The following KCNIP4 variants were observed in gnomAD, a reference collection of about 807,000 sequenced individuals.
KCNIP4 encodes the protein Kv channel-interacting protein 4.
KCNIP4 carries 12 observed loss-of-function variants against 34.0 expected under a neutral mutation model. The observed-to-expected ratio is 0.35, with a 90% confidence interval of 0.23 to 0.57. KCNIP4 has a LOEUF of 0.57. Ranked by LOEUF, KCNIP4 falls within the 20% of genes least tolerant of loss-of-function variation. KCNIP4 has a pLI of 0.83. For missense variants in KCNIP4, 238 were observed against 311.7 expected, an observed-to-expected ratio of 0.76 and a Z score of 1.78; for synonymous variants, 124 against 102.2, an observed-to-expected ratio of 1.21 and a Z score of -1.29.
At chr4:20,978,509 A>G (rs1026043115) in intron 1 of KCNIP4, among the ~76,000 whole-genome samples, 3 of 152,186 alleles carry the variant, frequency 2.0e-5, no homozygotes, top group African/African-American at 7.2e-5. Flanking sequence ...CCTACATTTT[A>G]TCGTTGTTCC....
chr4:20,774,751 C>A (rs2149383943), intron 3 of KCNIP4, among the ~76,000 whole-genome samples: 1 of 152,222 alleles, frequency 6.6e-6, no homozygotes, highest in South Asian at 2.1e-4. Context: ...GGGGAAGAGG[C>A]AAAGGAACCC....
At chr4:21,660,071 C>T (rs530759795) in intron 1 of KCNIP4, among the ~76,000 whole-genome samples, 1 of 152,240 alleles carries the variant, frequency 6.6e-6, no homozygotes, top group Admixed American at 6.5e-5. Flanking sequence ...TCCTATCTAT[C>T]AATACTTTAC....
At chr4:21,864,683 T>C (rs1336273997) in intron 1 of KCNIP4, among the ~76,000 whole-genome samples, 1 of 152,214 alleles carries the variant, frequency 6.6e-6, no homozygotes, top group Admixed American at 6.5e-5. Flanking sequence ...TATCCACATG[T>C]CTGGTATCGA....
At chr4:21,903,554 G>A (rs1200876026) in intron 1 of KCNIP4, among the ~76,000 whole-genome samples, 1 of 152,112 alleles carries the variant, frequency 6.6e-6, no homozygotes, top group Non-Finnish European at 1.5e-5. Context: ...GGCACTGATT[G>A]TTTCAAATAG....
Position 21,400,526 on chromosome 4 carries a change from T to C in KCNIP4, c.62-517817A>G, listed in dbSNP as rs749602643. On this transcript the variant is annotated intron_variant, in intron 1 of 8. Coordinates refer to ENST00000382152, the MANE Select transcript of KCNIP4 (RefSeq NM_025221.6). The stretch of plus-strand genomic sequence containing the variant: ...TCCCCTCCCTTCCTCTTCTCTTCTC[T>C]TCTCTTCTCTTCTCTTCTCTTCTCT... Among the ~76,000 whole-genome samples the C allele has an allele frequency of 4.3e-3, 177 of 40,946 alleles. 2 individuals carry two copies. Among genetic ancestry groups the C allele is most frequent in the African/African-American group, 0.012 (147 of 12,226 alleles). 26.9% of individuals were successfully genotyped at this position (40,946 alleles called of 152,430 possible).
intron 1 of KCNIP4, among the ~76,000 whole-genome samples, chr4:21,699,823 G>C (rs1424740865): frequency 6.6e-6 from 1 of 152,126 alleles, no homozygotes; most frequent in Admixed American, 6.6e-5. Context: ...GGGAATAGGG[G>C]ACTTGTGTGA....
chr4:20,841,089 G>T (rs1215241507), intron 3 of KCNIP4, among the ~76,000 whole-genome samples: 1 of 152,102 alleles, frequency 6.6e-6, no homozygotes, highest in Non-Finnish European at 1.5e-5. Context: ...TACTAAAGGA[G>T]CCATGCTCTT....
intron 3 of KCNIP4, among the ~76,000 whole-genome samples, chr4:20,816,128 CTGT>C (rs1716344942): frequency 6.6e-6 from 1 of 151,936 alleles, no homozygotes; most frequent in Non-Finnish European, 1.5e-5. Flanking sequence ...TGGTGCACAC[CTGT>C]AGTCCCAGCT....
intron 1 of KCNIP4, among the ~76,000 whole-genome samples, chr4:21,229,942 G>A (rs1052846395): frequency 6.6e-6 from 1 of 152,150 alleles, no homozygotes; most frequent in East Asian, 1.9e-4. Flanking sequence ...ATAAGCAACT[G>A]TATTGGGTTA....
At chr4:21,379,679 T>C (rs1174493423) in intron 1 of KCNIP4, among the ~76,000 whole-genome samples, 9 of 152,162 alleles carry the variant, frequency 5.9e-5, no homozygotes, top group Non-Finnish European at 1.0e-4. Context: ...TTGTAGACAA[T>C]AGATGGCAAA....
chr4:21,867,902 T>G (rs2109360993), intron 1 of KCNIP4, among the ~76,000 whole-genome samples: 1 of 152,302 alleles, frequency 6.6e-6, no homozygotes, highest in East Asian at 1.9e-4. Flanking sequence ...TAAAAAGATG[T>G]CCAAATGATC....
intron 1 of KCNIP4, among the ~76,000 whole-genome samples, chr4:20,912,792 C>A (rs2149572763): frequency 6.6e-6 from 1 of 152,186 alleles, no homozygotes; most frequent in South Asian, 2.1e-4. Flanking sequence ...TGCTCAAAAT[C>A]ATTAGTCATT....
At chr4:21,886,670 C>T (rs1726781177) in intron 1 of KCNIP4, among the ~76,000 whole-genome samples, 1 of 152,060 alleles carries the variant, frequency 6.6e-6, no homozygotes, top group South Asian at 2.1e-4. Flanking sequence ...TTGTGTCTTA[C>T]CAAGAGATGT....
chr4:20,755,376 T>TAC (rs1284433798), intron 4 of KCNIP4, among the ~76,000 whole-genome samples: 3 of 152,258 alleles, frequency 2.0e-5, no homozygotes, highest in Non-Finnish European at 4.4e-5. Flanking sequence ...TTAAGTGCTG[T>TAC]ACACTTTTCA....
chr4:21,391,018 A>T (rs1485776659), intron 1 of KCNIP4, among the ~76,000 whole-genome samples: 2 of 152,096 alleles, frequency 1.3e-5, no homozygotes, highest in Non-Finnish European at 2.9e-5. Context: ...AGTGTGTGTG[A>T]AGTGGTATGT....
intron 1 of KCNIP4, among the ~76,000 whole-genome samples, chr4:21,251,861 G>A (rs1358810979): frequency 6.8e-6 from 1 of 147,024 alleles, no homozygotes; most frequent in Non-Finnish European, 1.5e-5. Flanking sequence ...AGGGACTGTG[G>A]TGGGGTGTGG....
intron 1 of KCNIP4, among the ~76,000 whole-genome samples, chr4:21,439,743 T>G (rs907653620): frequency 8.9e-6 from 1 of 111,970 alleles, no homozygotes; most frequent in South Asian, 2.9e-4. Flanking sequence ...TGAAAGATGC[T>G]CACAATAGAT....
At chr4:21,587,447 A>T (rs1741715737) in intron 1 of KCNIP4, among the ~76,000 whole-genome samples, 1 of 152,008 alleles carries the variant, frequency 6.6e-6, no homozygotes, top group Non-Finnish European at 1.5e-5. Context: ...TCAGGTGTCA[A>T]TTTTCAAAAT....
intron 1 of KCNIP4, among the ~76,000 whole-genome samples, chr4:21,918,659 G>T (rs572627669): frequency 2.0e-5 from 3 of 152,114 alleles, no homozygotes; most frequent in Non-Finnish European, 4.4e-5. Flanking sequence ...AATAACAGTG[G>T]TGCGTTTTAT....
Sources: gnomAD v4.1 joint callset for allele counts (sites outside exome capture counted in the v4.1 genomes callset) on GRCh38, gnomAD v4.1.1 for gene constraint, MANE v1.5 for transcripts, NCBI Gene and HGNC (gene_info 2026-07-23, HGNC 2026-07-21) for gene names.